MYZAP: variants seen among roughly 807,000 people sequenced by gnomAD.
MYZAP encodes GRINL1A complex locus upstream.
Under a neutral mutation model 69.4 loss-of-function variants are expected in MYZAP, and 66 were observed. The ratio of observed to expected loss-of-function variants is 0.95; its 90% CI spans 0.78 to 1.17. The LOEUF (loss-of-function observed/expected upper bound fraction) is 1.17, where lower values mean the gene tolerates loss of function less well. Ranked by LOEUF, MYZAP falls within the 50% of genes most tolerant of loss-of-function variation. The pLI, the probability that MYZAP is intolerant of heterozygous loss-of-function variation, is 0.00. For synonymous variants in MYZAP, 256 were observed against 205.9 expected (o/e 1.24, Z -2.09); for missense variants, 611 against 556.2 (o/e 1.10, Z -0.99).
chr15:57,646,214 T>G (rs1567225856), intron 10 of MYZAP: 2 of 1,289,364 alleles, frequency 1.6e-6, no homozygotes, highest in Non-Finnish European at 2.0e-6. Flanking sequence ...TGCTCTGGGT[T>G]GGAAGCGATT....
chr15:57,619,609 C>A (rs2035687836), intron 3 of MYZAP, among the ~76,000 whole-genome samples: 1 of 152,216 alleles, frequency 6.6e-6, no homozygotes, highest in Non-Finnish European at 1.5e-5. Context: ...ACCTCAGTTT[C>A]CCAAAGTTCT....
At chr15:57,632,846 G>A (rs544054257) in intron 7 of MYZAP, among the ~76,000 whole-genome samples, 62 of 152,178 alleles carry the variant, frequency 4.1e-4, no homozygotes, top group Admixed American at 3.5e-3. Flanking sequence ...CCCTGGGCTT[G>A]CCCGCAGCTG....
chr15:57,681,557 G>A (rs570431967), intron 12 of MYZAP, among the ~76,000 whole-genome samples: 1 of 152,354 alleles, frequency 6.6e-6, no homozygotes, highest in African/African-American at 2.4e-5. Context: ...GCCGAGTTGG[G>A]CGGATCATTT....
intron 1 of MYZAP, among the ~76,000 whole-genome samples, chr15:57,593,214 A>ACACACACACACACACACACCC (rs1172761785): frequency 7.1e-6 from 1 of 141,346 alleles, no homozygotes; most frequent in African/African-American, 2.8e-5. Context: ...ACACACACAC[A>ACACACACACACACACACACCC]CCCCAGAATC....
At chr15:57,639,302 C>T (rs1404379465) in intron 9 of MYZAP, 138 bp from the exon 10 acceptor site, 2 of 891,946 alleles carry the variant, frequency 2.2e-6, no homozygotes, top group African/African-American at 1.7e-5. Flanking sequence ...CTGCCTTGGC[C>T]TCTTGAAGTG....
At position 57,684,385 on chromosome 15, in the gene MYZAP, A is replaced by C. The variant is rs2554032; in HGVS notation, c.1305-17A>C. On this transcript the variant is annotated splice_polypyrimidine_tract_variant and intron_variant, in intron 12 of 12. Coordinates refer to ENST00000267853, the MANE Select transcript of MYZAP (RefSeq NM_001018100.5). The stretch of plus-strand genomic sequence containing the variant: ...GTTTTGTTTCATTTTCCTGACCTGC[A>C]TTTTCTCATTTCTCAGCCAAACAGG... 1,579,726 of 1,588,702 alleles carry C rather than the reference A, an allele frequency of 0.99. 785,809 individuals are homozygous for C. Among genetic ancestry groups the C allele is most frequent in the East Asian group, 1 (44,745 of 44,746 alleles).
intron 10 of MYZAP, among the ~76,000 whole-genome samples, chr15:57,642,030 C>G (rs1174357879): frequency 1.3e-5 from 2 of 152,200 alleles, no homozygotes; most frequent in African/African-American, 4.8e-5. Context: ...CTGGGTGACA[C>G]TTTCAAAGAG....
intron 2 of MYZAP, among the ~76,000 whole-genome samples, chr15:57,617,348 A>G (rs935732953): frequency 1.6e-4 from 24 of 152,172 alleles, no homozygotes; most frequent in African/African-American, 5.1e-4. Flanking sequence ...CCTTCATTCT[A>G]TAAAGGCGTG....
rs574712426 is a variant in MYZAP at position 57,595,751 on chromosome 15, C to G, written c.75+3642C>G. 2.0e-5 allele frequency among the ~76,000 whole-genome samples: 3 copies of G among 152,296 alleles called. No individual in the cohort carries two copies. The South Asian group carries it at 6.2e-4, about 32-fold the overall frequency. ...GTGTTGCTGCTATCGTGACCCGTCA[C>G]TGGCACAGAGAAAAAACAAAACCCA... is the stretch of plus-strand genomic sequence containing the variant. On this transcript the variant is annotated intron_variant, in intron 1 of 12. Transcript: ENST00000267853.
At chr15:57,666,049 T>C (rs1276522432) in intron 11 of MYZAP, among the ~76,000 whole-genome samples, 1 of 152,248 alleles carries the variant, frequency 6.6e-6, no homozygotes, top group East Asian at 1.9e-4. Context: ...AGACTTAGAA[T>C]TGTGCTTGGC....
chr15:57,600,372 G>A (rs1567198750), intron 1 of MYZAP, among the ~76,000 whole-genome samples: 1 of 152,190 alleles, frequency 6.6e-6, no homozygotes, highest in Non-Finnish European at 1.5e-5. Context: ...ACTGCCAAAT[G>A]TCTTTGAGGT....
At chr15:57,646,235 T>C in intron 10 of MYZAP, 1 of 1,289,190 alleles carries the variant, frequency 7.8e-7, no homozygotes, top group South Asian at 1.2e-5. Flanking sequence ...CCTTTATTGT[T>C]CGTGATTAGA....
intron 4 of MYZAP, among the ~76,000 whole-genome samples, chr15:57,624,115 T>C (rs1264991823): frequency 6.6e-6 from 1 of 152,234 alleles, no homozygotes; most frequent in African/African-American, 2.4e-5. Flanking sequence ...TGTGAGTGTA[T>C]TACCTACTGA....
rs781598928 is a variant in MYZAP, at chr15:57,675,045, A to C, written c.1281A>C (p.Gly427=). 4 of 1,613,320 alleles carry C rather than the reference A, an allele frequency of 2.5e-6. No homozygotes were observed. Among genetic ancestry groups the C allele is most frequent in the Non-Finnish European group, 3.4e-6 (4 of 1,179,436 alleles). Residue 427 remains glycine, a synonymous_variant, in exon 12 of 13, where the codon GGA becomes GGC. Coordinates refer to ENST00000267853, the MANE Select transcript of MYZAP (RefSeq NM_001018100.5). ...AKTEVETREI[G]VGCDLLPSQT... ...CCGAAGTGGAAACCAGAGAGATAGG[A>C]GTGGGCTGTGATCTTCTACCCAGGT...
At chr15:57,657,165 C>T (rs1159591554) in intron 10 of MYZAP, among the ~76,000 whole-genome samples, 1 of 152,182 alleles carries the variant, frequency 6.6e-6, no homozygotes, top group East Asian at 1.9e-4. Flanking sequence ...TTCCTTGCCT[C>T]ACAAGCCACT....
intron 10 of MYZAP, among the ~76,000 whole-genome samples, chr15:57,655,004 A>T (rs899310821): frequency 6.6e-6 from 1 of 152,166 alleles, no homozygotes; most frequent in African/African-American, 2.4e-5. Flanking sequence ...GATGCACTAA[A>T]CACTTGTTCC....
chr15:57,616,863 G>A (rs1349875948), intron 2 of MYZAP, among the ~76,000 whole-genome samples: 1 of 77,268 alleles, frequency 1.3e-5, no homozygotes, highest in African/African-American at 5.2e-5. Context: ...TACATGGCAA[G>A]AATCTCTGTG....
intron 2 of MYZAP, among the ~76,000 whole-genome samples, chr15:57,614,866 G>C (rs1327315243): frequency 6.6e-6 from 1 of 152,116 alleles, no homozygotes; most frequent in Non-Finnish European, 1.5e-5. Flanking sequence ...TACACAGTAG[G>C]GTCATTGTGA....
intron 1 of MYZAP, among the ~76,000 whole-genome samples, chr15:57,601,082 A>C (rs1401429223): frequency 1.3e-5 from 2 of 152,298 alleles, no homozygotes; most frequent in African/African-American, 4.8e-5. Flanking sequence ...TCTCAAAATA[A>C]ATAAATAATC....
Sources: gnomAD v4.1 joint callset for allele counts (sites outside exome capture counted in the v4.1 genomes callset) on GRCh38, gnomAD v4.1.1 for gene constraint, MANE v1.5 for transcripts, NCBI Gene and HGNC (gene_info 2026-07-23, HGNC 2026-07-21) for gene names.